The following PHACTR2 variants were observed in gnomAD, a reference collection of about 807,000 sequenced individuals.
PHACTR2 encodes the protein phosphatase and actin regulator 2.
Under a neutral mutation model 76.0 loss-of-function variants are expected in PHACTR2, and 30 were observed. The observed-to-expected ratio is 0.39, with a 90% CI of 0.30 to 0.54. The LOEUF (loss-of-function observed/expected upper bound fraction) is 0.54, where lower values mean the gene tolerates loss of function less well. Among genes scored for constraint, PHACTR2 ranks in the 20% least tolerant of loss-of-function variants. The pLI is 0.61. For synonymous variants in PHACTR2, 292 were observed against 292.5 expected (o/e 1.00, Z 0.02); for missense variants, 696 against 781.1 (o/e 0.89, Z 1.30).
Position 143,767,279 on chromosome 6 carries a change from A to C in PHACTR2, c.1232+1481A>C, listed in dbSNP as rs975730494. Among the ~76,000 whole-genome samples the C allele has an allele frequency of 2.6e-5, 4 of 152,208 alleles. No individual in the cohort carries two copies. Among genetic ancestry groups the C allele is most frequent in the African/African-American group, 9.6e-5 (4 of 41,466 alleles). On this transcript the variant is annotated intron_variant, in intron 6 of 12. Transcript: ENST00000440869. The surrounding 1 kb of genome is among the most constrained non-coding windows in gnomAD (Gnocchi z 4.4). ...GTTGGTGGTGGTGAAGCCAGAATGC[A>C]TACCCAATTCCATGCTCTGAATGAA...
chr6:143,771,860 T>C (rs1367254851), intron 6 of PHACTR2, among the ~76,000 whole-genome samples: 2 of 152,078 alleles, frequency 1.3e-5, no homozygotes, highest in African/African-American at 4.8e-5. Flanking sequence ...CAATGGGTGG[T>C]CAAGATGTAG....
In PHACTR2 at chr6:143,765,339, CCAAAGCTTCAAAGGAGACAGTTTCTAG is replaced by C; in HGVS notation, c.780_806del (p.Ser261_Ala269del). On this transcript the variant is annotated inframe_deletion, in exon 6 of 13. Transcript: ENST00000440869. The surrounding 1 kb of genome is among the most constrained non-coding windows in gnomAD (Gnocchi z 4.1). ...TCCACTTCATCCACCTCATCTCGTC[CCAAAGCTTCAAAGGAGACAGTTTCTAG>C]CAAAGCAGGGACAGTGGGGACCACC... 6.2e-7 allele frequency: 1 copy of C among 1,614,174 alleles called. No homozygotes were observed. Among genetic ancestry groups the C allele is most frequent in the Non-Finnish European group, 8.5e-7 (1 of 1,180,030 alleles).
Position 143,677,990 on chromosome 6 carries a change from C to G in PHACTR2, c.-174C>G, listed in dbSNP as rs1260709867. Reference sequence around the variant, plus strand: ...ATCCGCTGGGCAGGATCCGCCGCGCCGGCTGCGGCCGGCCGGGCTGGGAGA... The same window carrying G: ...ATCCGCTGGGCAGGATCCGCCGCGCGGGCTGCGGCCGGCCGGGCTGGGAGA... On this transcript the variant is annotated 5_prime_UTR_variant, in exon 1 of 13. Transcript: ENST00000440869. 2 of 1,439,886 alleles carry G rather than the reference C, an allele frequency of 1.4e-6. No individual in the cohort carries two copies. 89.2% of individuals were successfully genotyped at this position (1,439,886 alleles called of 1,614,324 possible). A position where few individuals can be genotyped will look rare whatever the true frequency, so the allele number is the denominator to read the frequency against.
In PHACTR2 at chr6:143,793,873, G is replaced by A. The variant is rs1040963027; in HGVS notation, c.1845+4963G>A. Among the ~76,000 whole-genome samples, 6 of 151,958 alleles carry A rather than the reference G, an allele frequency of 3.9e-5. No individual in the cohort carries two copies. The East Asian group carries it at 5.8e-4, about 15-fold the overall frequency. ...AGGAGGCTGCAGTGAGCCATGCCACGGCACTCCAGCCTGGGCAACAGAGCT... is the reference window on the plus strand; with the variant it reads ...AGGAGGCTGCAGTGAGCCATGCCACAGCACTCCAGCCTGGGCAACAGAGCT... On this transcript the variant is annotated intron_variant, in intron 11 of 12. Transcript: ENST00000440869. This position sits in a 1 kb window ranked among gnomAD's most constrained non-coding sequence, Gnocchi z 4.4.
At chr6:143,711,177 G>T (rs924223721) in intron 1 of PHACTR2, 3 of 375,504 alleles carry the variant, frequency 8.0e-6, no homozygotes, top group South Asian at 6.2e-5. Context: ...CTGCCTCCAA[G>T]AAAAAACTAC....
Position 143,765,101 on chromosome 6 carries a change from GAC to G in PHACTR2, c.695-158_695-157del, listed in dbSNP as rs1779525831. Among the ~76,000 whole-genome samples, 1 of 152,160 alleles carries G rather than the reference GAC, an allele frequency of 6.6e-6. No homozygotes were observed. The highest frequency in any genetic ancestry group is 2.4e-5 in the African/African-American group (1 of 41,450). Reference sequence around the variant, plus strand: ...GGATTGGAGGAAGGGAGGGGCAGAAGACAAGACTATTATCATGATTAGCCTAT... The same window carrying G: ...GGATTGGAGGAAGGGAGGGGCAGAAGAAGACTATTATCATGATTAGCCTAT... On this transcript the variant is annotated intron_variant, in intron 5 of 12. Coordinates refer to ENST00000440869, the MANE Select transcript of PHACTR2 (RefSeq NM_001100164.2). This position sits in a 1 kb window ranked among gnomAD's most constrained non-coding sequence, Gnocchi z 4.1.
upstream of PHACTR2, among the ~76,000 whole-genome samples, chr6:143,674,032 C>A (rs1180362760): frequency 1.3e-5 from 2 of 152,140 alleles, no homozygotes; most frequent in Non-Finnish European, 2.9e-5. This position sits in a 1 kb window ranked among gnomAD's most constrained non-coding sequence, Gnocchi z 4.9. Flanking sequence ...AGTTGTAATT[C>A]TTTCCTTAAC....
intron 12 of PHACTR2, among the ~76,000 whole-genome samples, chr6:143,817,597 C>G (rs1776327484): frequency 6.6e-6 from 1 of 152,176 alleles, no homozygotes; most frequent in African/African-American, 2.4e-5. Context: ...GGATTTTTCT[C>G]TGGTCAAAAT....
At chr6:143,575,428 C>G (rs1349137581) in intron 1 of PHACTR2, among the ~76,000 whole-genome samples, 1 of 152,034 alleles carries the variant, frequency 6.6e-6, no homozygotes. Flanking sequence ...ATGATCTGTC[C>G]TTTATATTCT....
Position 143,765,886 on chromosome 6 carries a change from C to T in PHACTR2, c.1232+88C>T. On this transcript the variant is annotated intron_variant, in intron 6 of 12. Transcript: ENST00000440869. This position sits in a 1 kb window ranked among gnomAD's most constrained non-coding sequence, Gnocchi z 4.1. ...GGAAATGAAGCACCGGGTTTGCTTT[C>T]TTATATAATTTAATCTACTGAGTGT... 8.6e-7 allele frequency: 1 copy of T among 1,159,792 alleles called. No homozygotes were observed. Among genetic ancestry groups the T allele is most frequent in the Non-Finnish European group, 1.2e-6 (1 of 818,814 alleles). 71.8% of individuals were successfully genotyped at this position (1,159,792 alleles called of 1,614,324 possible). A position where few individuals can be genotyped will look rare whatever the true frequency, so the allele number is the denominator to read the frequency against.
At chr6:143,565,043 C>G (rs1775343008) in intron 1 of PHACTR2, among the ~76,000 whole-genome samples, 2 of 152,092 alleles carry the variant, frequency 1.3e-5, no homozygotes, top group Non-Finnish European at 2.9e-5. Flanking sequence ...GCAGTTCAAG[C>G]CAATAGATAT....
In PHACTR2 at chr6:143,827,182, A is replaced by G. The variant is rs931832279; in HGVS notation, c.*3493A>G. 7.7e-6 allele frequency: 1 copy of G among 130,118 alleles called. No homozygotes were observed. Among genetic ancestry groups the G allele is most frequent in the Non-Finnish European group, 1.6e-5 (1 of 60,880 alleles). The allele number at this position is 130,118 out of a possible 1,614,324, so 8.1% of individuals were successfully genotyped here. A position where few individuals can be genotyped will look rare whatever the true frequency, so the allele number is the denominator to read the frequency against. The stretch of plus-strand genomic sequence containing the variant: ...TATATATATATATATATATATATAT[A>G]TATATATATATATATATGTATATTA... On this transcript the variant is annotated 3_prime_UTR_variant, in exon 13 of 13. Coordinates refer to ENST00000440869, the MANE Select transcript of PHACTR2 (RefSeq NM_001100164.2).
Position 143,695,994 on chromosome 6 carries a change from C to G in PHACTR2, c.47-16022C>G, listed in dbSNP as rs1777762057. ...TTGTATTAATCAAGTAAGCAACTGG[C>G]CTTTTCTATAAAATAGTTTTATGTT... On this transcript the variant is annotated intron_variant, in intron 1 of 12. Transcript: ENST00000440869. The surrounding 1 kb of genome is among the most constrained non-coding windows in gnomAD (Gnocchi z 4.4). 6.6e-6 allele frequency among the ~76,000 whole-genome samples: 1 copy of G among 152,164 alleles called. No homozygotes were observed. Among genetic ancestry groups the G allele is most frequent in the Non-Finnish European group, 1.5e-5 (1 of 68,032 alleles).
At chr6:143,692,325 C>T (rs1777663315) in intron 1 of PHACTR2, among the ~76,000 whole-genome samples, 2 of 152,154 alleles carry the variant, frequency 1.3e-5, no homozygotes, top group Non-Finnish European at 2.9e-5. Context: ...GACCTGCCAA[C>T]CTGTTTATGA....
At position 143,753,987 on chromosome 6, in the gene PHACTR2, C is replaced by G. The variant is rs965340015; in HGVS notation, c.454+75C>G. ...TCTAGAACCAGCACTTAGGCTCCAACTAGTGACTCTAAAACCAGCAGTCTG... is the reference window on the plus strand; with the variant it reads ...TCTAGAACCAGCACTTAGGCTCCAAGTAGTGACTCTAAAACCAGCAGTCTG... On this transcript the variant is annotated intron_variant, in intron 4 of 12. Coordinates refer to ENST00000440869, the MANE Select transcript of PHACTR2 (RefSeq NM_001100164.2). This position sits in a 1 kb window ranked among gnomAD's most constrained non-coding sequence, Gnocchi z 4.6. The G allele has an allele frequency of 1.1e-6, 1 of 951,864 alleles. No individual in the cohort carries two copies. The highest frequency in any genetic ancestry group is 1.7e-5 in the African/African-American group (1 of 59,576). The allele number at this position is 951,864 out of a possible 1,614,324, so 59.0% of individuals were successfully genotyped here.
In PHACTR2 at chr6:143,671,157, T is replaced by C. The variant is rs767947614; in HGVS notation, c.14-40859T>C. On this transcript the variant is annotated intron_variant, in intron 1 of 11. Transcript: ENST00000305766. This position sits in a 1 kb window ranked among gnomAD's most constrained non-coding sequence, Gnocchi z 4.6. ...GTTGGTCAGGCTGGTCTTGAACTCC[T>C]GACATCATGATCCGCCTGCCTCAGC... Among the ~76,000 whole-genome samples, 1 of 152,122 alleles carries C rather than the reference T, an allele frequency of 6.6e-6. No homozygotes were observed. Among genetic ancestry groups the C allele is most frequent in the Non-Finnish European group, 1.5e-5 (1 of 68,028 alleles).
In PHACTR2 at chr6:143,760,337, G is replaced by C; in HGVS notation, c.455-64G>C. On this transcript the variant is annotated intron_variant, in intron 4 of 12. Transcript: ENST00000440869. The surrounding 1 kb of genome is among the most constrained non-coding windows in gnomAD (Gnocchi z 6.4). ...CTTTGTGTCACTATCGTCATGTCTT[G>C]CTCCTTGTGTTTATATGGTGTGTGT... is the stretch of plus-strand genomic sequence containing the variant. 6.8e-7 allele frequency: 1 copy of C among 1,465,444 alleles called. No individual in the cohort carries two copies. The highest frequency in any genetic ancestry group is 1.2e-5 in the South Asian group (1 of 80,746). 90.8% of individuals were successfully genotyped at this position (1,465,444 alleles called of 1,614,324 possible).
At chr6:143,576,199 C>A (rs1043576585) in intron 1 of PHACTR2, among the ~76,000 whole-genome samples, 4 of 152,204 alleles carry the variant, frequency 2.6e-5, no homozygotes, top group Admixed American at 6.5e-5. Context: ...AAGCCTGAAT[C>A]CTTTAATTAC....
intron 1 of PHACTR2, among the ~76,000 whole-genome samples, chr6:143,660,832 T>C (rs1776935745): frequency 6.6e-6 from 1 of 152,150 alleles, no homozygotes; most frequent in African/African-American, 2.4e-5. Context: ...AGGCCAGATA[T>C]TGAGAGTTAA....
Sources: allele counts gnomAD v4.1 joint callset (sites outside exome capture counted in the v4.1 genomes callset), GRCh38; gene constraint gnomAD v4.1.1; non-coding constraint Gnocchi (gnomAD v3.1); transcripts MANE v1.5; gene names NCBI Gene and HGNC (gene_info 2026-07-23, HGNC 2026-07-21).